Variants in KIAA0825 observed in about 807,000 individuals in gnomAD.
The protein encoded by KIAA0825 is uncharacterized protein KIAA0825.
KIAA0825 carries 119 observed loss-of-function variants against 147.6 expected under a neutral mutation model. The observed-to-expected ratio is 0.81, with a 90% CI of 0.69 to 0.94. KIAA0825 has a LOEUF of 0.94. Among genes scored for constraint, KIAA0825 ranks in the 40% least tolerant of loss-of-function variants. The pLI, the probability that KIAA0825 is intolerant of heterozygous loss-of-function variation, is 0.00. For synonymous variants in KIAA0825, 470 were observed against 518.1 expected (o/e 0.91, Z 1.26); for missense variants, 1,381 against 1,472.7 (o/e 0.94, Z 1.02).
intron 20 of KIAA0825, among the ~76,000 whole-genome samples, chr5:94,230,644 T>C (rs1192011450): frequency 6.6e-6 from 1 of 152,214 alleles, no homozygotes; most frequent in Non-Finnish European, 1.5e-5. Context: ...CAGAAGATTC[T>C]TCCATATCTA....
At chr5:94,310,797 G>A (rs1779100974) in intron 20 of KIAA0825, among the ~76,000 whole-genome samples, 1 of 151,630 alleles carries the variant, frequency 6.6e-6, no homozygotes, top group Admixed American at 6.6e-5. Flanking sequence ...AAACCATTAT[G>A]TATAATATAT....
intron 20 of KIAA0825, among the ~76,000 whole-genome samples, chr5:94,167,535 A>T (rs542753612): frequency 6.6e-6 from 1 of 152,308 alleles, no homozygotes; most frequent in Admixed American, 6.5e-5. Context: ...GATCAGAGAG[A>T]TCTTTACAAC....
At chr5:94,574,923 G>A (rs147367042) in intron 2 of KIAA0825, among the ~76,000 whole-genome samples, 1 of 152,182 alleles carries the variant, frequency 6.6e-6, no homozygotes, top group Non-Finnish European at 1.5e-5. Context: ...TATGTACTGG[G>A]ATCCCACTCT....
At chr5:94,574,214 C>T (rs996180842) in intron 2 of KIAA0825, among the ~76,000 whole-genome samples, 1 of 152,200 alleles carries the variant, frequency 6.6e-6, no homozygotes, top group Admixed American at 6.5e-5. Context: ...TACATAGGTT[C>T]AAGCCCTCTC....
chr5:94,614,004 C>T (rs370387615), intron 1 of KIAA0825, among the ~76,000 whole-genome samples: 6 of 152,070 alleles, frequency 3.9e-5, no homozygotes, highest in African/African-American at 7.2e-5. Flanking sequence ...AAAATAGATA[C>T]GAATATGTCT....
intron 13 of KIAA0825, among the ~76,000 whole-genome samples, chr5:94,449,788 G>A (rs755235597): frequency 6.6e-6 from 1 of 152,130 alleles, no homozygotes; most frequent in Non-Finnish European, 1.5e-5. Context: ...TTCAAAAAAT[G>A]TATTCACAGG....
chr5:94,501,009 G>A (rs1401678144), intron 5 of KIAA0825, among the ~76,000 whole-genome samples: 1 of 151,948 alleles, frequency 6.6e-6, no homozygotes, highest in Non-Finnish European at 1.5e-5. Context: ...ACCCACCTCA[G>A]CCTCCGAAAG....
chr5:94,616,361 G>A (rs954527767), intron 1 of KIAA0825, among the ~76,000 whole-genome samples: 2 of 152,074 alleles, frequency 1.3e-5, no homozygotes, highest in Non-Finnish European at 2.9e-5. Context: ...ATAGAATTGG[G>A]TATTGGGATG....
intron 20 of KIAA0825, among the ~76,000 whole-genome samples, chr5:94,181,971 T>C (rs1473613858): frequency 1.3e-5 from 2 of 152,158 alleles, no homozygotes; most frequent in Non-Finnish European, 2.9e-5. Flanking sequence ...TAAACCCTGG[T>C]TGGATCTCTT....
At chr5:94,497,234 G>C (rs1267976776) in intron 5 of KIAA0825, among the ~76,000 whole-genome samples, 1 of 152,144 alleles carries the variant, frequency 6.6e-6, no homozygotes, top group Non-Finnish European at 1.5e-5. Context: ...TGGGGGTCAG[G>C]AGGTGATTTA....
chr5:94,614,954 G>C (rs1038965264), intron 1 of KIAA0825, among the ~76,000 whole-genome samples: 1 of 151,898 alleles, frequency 6.6e-6, no homozygotes, highest in African/African-American at 2.4e-5. Flanking sequence ...CAACACGTTT[G>C]AGGCTTTATA....
rs564291886 is a variant in KIAA0825, at chr5:94,504,746, C to CTT, written c.970+15500_970+15501dup. On this transcript the variant is annotated intron_variant, in intron 5 of 20. Transcript: ENST00000682413. Reference sequence around the variant, plus strand: ...ATTACGCCCGTGTGATTTTTCTTTTCTTTTTTTTTTTTTTTTTTTGAGATG... The same window carrying CTT: ...ATTACGCCCGTGTGATTTTTCTTTTCTTTTTTTTTTTTTTTTTTTTTGAGATG... Among the ~76,000 whole-genome samples the CTT allele has an allele frequency of 4.7e-3, 577 of 122,956 alleles. 1 individual carries two copies. Among genetic ancestry groups the CTT allele is most frequent in the Non-Finnish European group, 7.5e-3 (437 of 58,032 alleles). 80.7% of individuals were successfully genotyped at this position (122,956 alleles called of 152,430 possible).
At position 94,396,202 on chromosome 5, in the gene KIAA0825, G is replaced by C. The variant is rs370607205; in HGVS notation, c.3195C>G (p.Ile1065Met). The change falls in exon 17 of 21, where the codon ATC (isoleucine) becomes ATG (methionine). Residue 1065 changes from isoleucine to methionine, a missense_variant. By Grantham distance (10) the Ile-to-Met change is conservative. Coordinates refer to ENST00000682413, the MANE Select transcript of KIAA0825 (RefSeq NM_001145678.3). ...LKSIMGDQTS[I>M]HNQMIQKVIQ... is the part of the protein sequence containing the mutation. Reference sequence around the variant, plus strand: ...TGACCTTTTGGATCATTTGATTATGGATACTTGTCTGGTCTCCCATGATGC... The same window carrying C: ...TGACCTTTTGGATCATTTGATTATGCATACTTGTCTGGTCTCCCATGATGC... 7.7e-6 allele frequency: 12 copies of C among 1,551,266 alleles called. No homozygotes were observed. In the African/African-American group the frequency reaches 1.6e-4, roughly 21 times the overall value.
chr5:94,544,837 G>T (rs1255289323), intron 2 of KIAA0825, among the ~76,000 whole-genome samples: 1 of 152,116 alleles, frequency 6.6e-6, no homozygotes, highest in Non-Finnish European at 1.5e-5. Flanking sequence ...GGTTCTCCGT[G>T]CAGGAAAACC....
chr5:94,394,442 A>G (rs1750350118), intron 17 of KIAA0825, among the ~76,000 whole-genome samples: 1 of 152,114 alleles, frequency 6.6e-6, no homozygotes, highest in Non-Finnish European at 1.5e-5. Flanking sequence ...CTTTTGGCTC[A>G]TTGTTAATCA....
chr5:94,556,696 T>C (rs1584881258), intron 2 of KIAA0825, among the ~76,000 whole-genome samples: 1 of 152,220 alleles, frequency 6.6e-6, no homozygotes, highest in African/African-American at 2.4e-5. Flanking sequence ...TCTTGTATCA[T>C]CAATATCCCT....
intron 20 of KIAA0825, among the ~76,000 whole-genome samples, chr5:94,219,573 A>G (rs1414347625): frequency 2.0e-5 from 3 of 152,142 alleles, no homozygotes; most frequent in African/African-American, 7.2e-5. Flanking sequence ...ATTGAACATC[A>G]TATAGAGTGG....
At chr5:94,246,441 G>A (rs191447527) in intron 20 of KIAA0825, among the ~76,000 whole-genome samples, 2 of 152,154 alleles carry the variant, frequency 1.3e-5, no homozygotes, top group East Asian at 1.9e-4. Context: ...TTACCACACC[G>A]TAACCAGATA....
At chr5:94,477,989 A>T (rs1282667273) in intron 6 of KIAA0825, among the ~76,000 whole-genome samples, 1 of 152,172 alleles carries the variant, frequency 6.6e-6, no homozygotes, top group Non-Finnish European at 1.5e-5. Flanking sequence ...ATTCTATGTT[A>T]TGATCTAACT....
Sources: gnomAD v4.1 joint callset for allele counts (sites outside exome capture counted in the v4.1 genomes callset) on GRCh38, gnomAD v4.1.1 for gene constraint, MANE v1.5 for transcripts, NCBI Gene and HGNC (gene_info 2026-07-23, HGNC 2026-07-21) for gene names.